The following CDK5RAP2 variants were observed in gnomAD, a reference collection of about 807,000 sequenced individuals.
The protein encoded by CDK5RAP2 is CDK5 regulatory subunit associated protein 2, also known as CDK5 regulatory subunit-associated protein 2.
In CDK5RAP2, 147 loss-of-function variants were observed where a neutral mutation model predicts 232.9. The observed-to-expected ratio is 0.63, with a 90% CI of 0.55 to 0.72. The LOEUF (loss-of-function observed/expected upper bound fraction) is 0.72. Among genes scored for constraint, CDK5RAP2 ranks in the 30% least tolerant of loss-of-function variants. The pLI is 0.00. For synonymous variants in CDK5RAP2, 833 were observed against 833.7 expected (o/e 1.00, Z 0.01); for missense variants, 2,195 against 2,231.5 (o/e 0.98, Z 0.33).
intron 12 of CDK5RAP2, among the ~76,000 whole-genome samples, chr9:120,511,903 A>C (rs932524614): frequency 6.6e-6 from 1 of 152,060 alleles, no homozygotes; most frequent in Admixed American, 6.5e-5. Flanking sequence ...ACACCCAGCT[A>C]ATTTTTGTAT....
chr9:120,431,273 A>G (rs1213819974), intron 25 of CDK5RAP2, among the ~76,000 whole-genome samples: 4 of 152,166 alleles, frequency 2.6e-5, no homozygotes, highest in African/African-American at 4.8e-5. Flanking sequence ...AATAAGAAGA[A>G]GAAGAAATGT....
chr9:120,550,324 G>C (rs1426090743), intron 4 of CDK5RAP2, among the ~76,000 whole-genome samples: 1 of 152,182 alleles, frequency 6.6e-6, no homozygotes, highest in Admixed American at 6.5e-5. Context: ...GTCAAGCACT[G>C]ACTGTGTGCT....
Position 120,422,670 on chromosome 9 carries a change from C to G in CDK5RAP2, c.4004+23G>C. On this transcript the variant is annotated intron_variant, in intron 26 of 37. Transcript: ENST00000349780. ...GACCTAGAAAGTCCTGGGAAGTCTTCTTAACAAATGTTACACACTCACCTC... is the reference window on the plus strand; with the variant it reads ...GACCTAGAAAGTCCTGGGAAGTCTTGTTAACAAATGTTACACACTCACCTC... The G allele has an allele frequency of 3.1e-6, 5 of 1,598,122 alleles. 1 individual carries two copies. The South Asian group carries it at 4.4e-5, about 14-fold the overall frequency.
intron 13 of CDK5RAP2, among the ~76,000 whole-genome samples, chr9:120,490,951 G>A (rs1176205474): frequency 6.6e-6 from 1 of 152,160 alleles, no homozygotes; most frequent in East Asian, 1.9e-4. Context: ...AACAGTTAGA[G>A]AAAAAGTACA....
intron 3 of CDK5RAP2, among the ~76,000 whole-genome samples, chr9:120,566,165 G>A (rs1211160981): frequency 6.6e-6 from 1 of 152,260 alleles, no homozygotes; most frequent in East Asian, 1.9e-4. Flanking sequence ...TAGGTGCCAA[G>A]AGCATTTCCT....
chr9:120,448,337 C>T (rs1043641483), intron 21 of CDK5RAP2, among the ~76,000 whole-genome samples: 4 of 152,178 alleles, frequency 2.6e-5, no homozygotes, highest in Admixed American at 1.3e-4. Context: ...AGCTTCTCCT[C>T]GCCACCCTCC....
At chr9:120,400,931 T>G in intron 34 of CDK5RAP2, 46 bp from the exon 35 acceptor site, 1 of 1,610,774 alleles carries the variant, frequency 6.2e-7, no homozygotes, top group Non-Finnish European at 8.5e-7. Context: ...TTGAAAAAGA[T>G]TTTAGACAAG....
At position 120,408,422 on chromosome 9, in the gene CDK5RAP2, C is replaced by T. The variant is rs2131305198; in HGVS notation, c.4651G>A (p.Asp1551Asn). 2.5e-6 allele frequency: 4 copies of T among 1,614,150 alleles called. No homozygotes were observed. Among genetic ancestry groups the T allele is most frequent in the East Asian group, 2.2e-5 (1 of 44,886 alleles). Residue 1551 changes from aspartate to asparagine, a missense_variant, in exon 31 of 38, where the codon GAC becomes AAC. Coordinates refer to ENST00000349780, the MANE Select transcript of CDK5RAP2 (RefSeq NM_018249.6). The stretch of plus-strand genomic sequence containing the variant: ...ACTCGGAGAGACTGCAATAGCTTGT[C>T]ATTCTGTGAGAGCAGCTGCTGCCTC... ...KLRQQLLSQN[D>N]KLLQSLRVEL...
intron 23 of CDK5RAP2, among the ~76,000 whole-genome samples, chr9:120,440,685 T>C (rs893582853): frequency 1.3e-5 from 2 of 152,226 alleles, no homozygotes; most frequent in Non-Finnish European, 2.9e-5. Flanking sequence ...TAGCTCTCCC[T>C]CACCAGACTG....
intron 11 of CDK5RAP2, among the ~76,000 whole-genome samples, chr9:120,520,933 A>G (rs1465636212): frequency 3.3e-5 from 5 of 151,018 alleles, no homozygotes; most frequent in Middle Eastern, 3.4e-3. Context: ...TGTATCTCAT[A>G]TATCATATAT....
Position 120,439,680 on chromosome 9 carries a change from C to A in CDK5RAP2, c.3441G>T (p.Leu1147Phe). The change falls in exon 24 of 38, where the codon TTG becomes TTT. Residue 1147 changes from leucine (L) to phenylalanine (F), a missense_variant. Physicochemically the swap from Leu to Phe is conservative, Grantham distance 22. Coordinates refer to ENST00000349780, the MANE Select transcript of CDK5RAP2 (RefSeq NM_018249.6). Reference protein sequence around the residue: ...SQCSEAIITVLCGTEGAQDGL... With the variant: ...SQCSEAIITVFCGTEGAQDGL... Reference sequence around the variant, plus strand: ...CATCCTGGGCCCCTTCTGTCCCACACAAAACTGTAATTATGGCCTCACTGC... The same window carrying A: ...CATCCTGGGCCCCTTCTGTCCCACAAAAAACTGTAATTATGGCCTCACTGC... The A allele has an allele frequency of 6.2e-7, 1 of 1,614,212 alleles. No homozygotes were observed. The highest frequency in any genetic ancestry group is 8.5e-7 in the Non-Finnish European group (1 of 1,180,048).
intron 18 of CDK5RAP2, 42 bp downstream of exon 18, chr9:120,467,818 A>G: frequency 6.2e-7 from 1 of 1,609,514 alleles, no homozygotes; most frequent in African/African-American, 1.3e-5. Flanking sequence ...GCCGGTTGTT[A>G]TATTTTTGTA....
chr9:120,468,346 T>C (rs1015402125), intron 17 of CDK5RAP2, among the ~76,000 whole-genome samples: 5 of 152,216 alleles, frequency 3.3e-5, no homozygotes, highest in Non-Finnish European at 1.5e-5. Flanking sequence ...GCTCAGTCAA[T>C]GACAGCTAAT....
At chr9:120,526,531 C>T (rs777243673) in intron 10 of CDK5RAP2, among the ~76,000 whole-genome samples, 29 of 152,162 alleles carry the variant, frequency 1.9e-4, no homozygotes, top group Non-Finnish European at 3.7e-4. Context: ...TCCATTCCTA[C>T]TTGCTGTGCC....
At chr9:120,465,754 C>T (rs182836619) in intron 18 of CDK5RAP2, among the ~76,000 whole-genome samples, 40 of 149,534 alleles carry the variant, frequency 2.7e-4, no homozygotes, top group Admixed American at 2.7e-3. Context: ...TGTCCAAAGA[C>T]ATTCATTAGG....
intron 30 of CDK5RAP2, 99 bp from the exon 31 acceptor site, chr9:120,408,567 A>G: frequency 7.6e-7 from 1 of 1,312,552 alleles, no homozygotes; most frequent in African/African-American, 1.4e-5. Context: ...CTCAGTCACA[A>G]GAGTGTGGAC....
At chr9:120,489,274 T>C (rs1406407059) in intron 13 of CDK5RAP2, among the ~76,000 whole-genome samples, 1 of 152,250 alleles carries the variant, frequency 6.6e-6, no homozygotes, top group Non-Finnish European at 1.5e-5. Flanking sequence ...GCCTTTCAGG[T>C]CCTCTCTTTA....
chr9:120,578,542 G>A (rs1462625233), intron 1 of CDK5RAP2, among the ~76,000 whole-genome samples: 1 of 149,194 alleles, frequency 6.7e-6, no homozygotes, highest in Non-Finnish European at 1.5e-5. Flanking sequence ...TGCTGCCCGG[G>A]CATAAATATT....
chr9:120,452,520 A>T (rs1306211178), intron 21 of CDK5RAP2, among the ~76,000 whole-genome samples: 1 of 151,944 alleles, frequency 6.6e-6, no homozygotes, highest in Non-Finnish European at 1.5e-5. Flanking sequence ...TCACTGAACC[A>T]CTATTAGAAA....
Sources: allele counts gnomAD v4.1 joint callset (sites outside exome capture counted in the v4.1 genomes callset), GRCh38; gene constraint gnomAD v4.1.1; transcripts MANE v1.5; gene names NCBI Gene and HGNC (gene_info 2026-07-23, HGNC 2026-07-21).